Variants in ROCK1 observed in about 807,000 individuals in gnomAD.
ROCK1 encodes rho-associated protein kinase 1.
ROCK1 carries 36 observed loss-of-function variants against 196.8 expected under a neutral mutation model. The ratio of observed to expected loss-of-function variants is 0.18; its 90% CI spans 0.14 to 0.24. The LOEUF is 0.24. ROCK1 is among the 10% of genes least tolerant of loss of function. The probability of loss-of-function intolerance (pLI) is 1.00; values close to 1 mark genes in which losing one functional copy is unlikely to be tolerated. For synonymous variants in ROCK1, 443 were observed against 515.9 expected (o/e 0.86, Z 1.91); for missense variants, 920 against 1,562.0 (o/e 0.59, Z 6.93).
At chr18:21,057,878 T>C (rs2036257150) in intron 2 of ROCK1, among the ~76,000 whole-genome samples, 1 of 152,078 alleles carries the variant, frequency 6.6e-6, no homozygotes, top group Admixed American at 6.5e-5. Flanking sequence ...ACCCAGTAAA[T>C]TTTACTTCTA....
intron 1 of ROCK1, among the ~76,000 whole-genome samples, chr18:21,075,229 G>A (rs1293370592): frequency 6.6e-6 from 1 of 152,176 alleles, no homozygotes; most frequent in East Asian, 1.9e-4. Flanking sequence ...GGAGGATACT[G>A]TGGTAATACA....
chr18:20,981,263 G>A (rs774009394), intron 21 of ROCK1, among the ~76,000 whole-genome samples: 8 of 151,704 alleles, frequency 5.3e-5, no homozygotes, highest in Non-Finnish European at 8.8e-5. Flanking sequence ...GCATGGTGGC[G>A]GGCGCCTGTA....
chr18:20,970,318 T>C, intron 23 of ROCK1, 30 bp downstream of exon 23: 1 of 1,574,702 alleles, frequency 6.4e-7, no homozygotes, highest in Non-Finnish European at 8.7e-7. Flanking sequence ...TAAATAAATT[T>C]TATATAACTT....
intron 22 of ROCK1, among the ~76,000 whole-genome samples, chr18:20,973,215 T>C (rs979199259): frequency 9.9e-5 from 15 of 151,966 alleles, no homozygotes; most frequent in African/African-American, 3.1e-4. Context: ...TCTAAATATG[T>C]TTACATAACA....
In ROCK1 at chr18:20,949,585, T is replaced by C. The variant is rs1568364015; in HGVS notation, c.*1799A>G. The C allele has an allele frequency of 6.6e-6, 1 of 152,202 alleles. No homozygotes were observed. Among genetic ancestry groups the C allele is most frequent in the African/African-American group, 2.4e-5 (1 of 41,448 alleles). 9.4% of individuals were successfully genotyped at this position (152,202 alleles called of 1,614,324 possible). A position where few individuals can be genotyped will look rare whatever the true frequency, so the allele number is the denominator to read the frequency against. Reference sequence around the variant, plus strand: ...TCCAAGGCTGTTTACTACATAAATATCCTTGGAAAAGATAGTCAAAAGAAA... The same window carrying C: ...TCCAAGGCTGTTTACTACATAAATACCCTTGGAAAAGATAGTCAAAAGAAA... On this transcript the variant is annotated 3_prime_UTR_variant, in exon 33 of 33. Coordinates refer to ENST00000399799, the MANE Select transcript of ROCK1 (RefSeq NM_005406.3).
At chr18:21,094,589 A>AT (rs1217239226) in intron 1 of ROCK1, among the ~76,000 whole-genome samples, 1 of 150,364 alleles carries the variant, frequency 6.7e-6, no homozygotes, top group South Asian at 2.1e-4. Flanking sequence ...AAAGAAAAAA[A>AT]AATACAAACA....
At chr18:20,990,223 T>C (rs1407026956) in intron 18 of ROCK1, among the ~76,000 whole-genome samples, 1 of 151,908 alleles carries the variant, frequency 6.6e-6, no homozygotes, top group African/African-American at 2.4e-5. Context: ...ACAGTGGAAG[T>C]ACAAAGAAAT....
intron 8 of ROCK1, among the ~76,000 whole-genome samples, chr18:21,040,316 T>C (rs80154084): frequency 6.6e-6 from 1 of 152,198 alleles, no homozygotes; most frequent in East Asian, 1.9e-4. Flanking sequence ...TTTAAAATTT[T>C]GAACTTCCAA....
At chr18:21,046,071 C>T (rs977225599) in intron 4 of ROCK1, among the ~76,000 whole-genome samples, 16 of 151,950 alleles carry the variant, frequency 1.1e-4, no homozygotes, top group Non-Finnish European at 1.9e-4. Flanking sequence ...CTACCACGCC[C>T]GGCTAATTTT....
At chr18:21,073,770 G>A (rs2036407183) in intron 1 of ROCK1, among the ~76,000 whole-genome samples, 1 of 152,120 alleles carries the variant, frequency 6.6e-6, no homozygotes, top group Non-Finnish European at 1.5e-5. Flanking sequence ...CTGACCACTG[G>A]TACTAAAGAC....
At chr18:20,998,207 T>C (rs1382396622) in intron 16 of ROCK1, among the ~76,000 whole-genome samples, 1 of 152,018 alleles carries the variant, frequency 6.6e-6, no homozygotes, top group African/African-American at 2.4e-5. Context: ...GACCAGCGGA[T>C]TGATGAAGAA....
At chr18:21,019,665 G>T (rs966896192) in intron 12 of ROCK1, among the ~76,000 whole-genome samples, 1 of 151,884 alleles carries the variant, frequency 6.6e-6, no homozygotes, top group Non-Finnish European at 1.5e-5. Flanking sequence ...AGGTGTGGTG[G>T]CGGGCGCCTG....
intron 27 of ROCK1, among the ~76,000 whole-genome samples, chr18:20,964,887 G>A (rs1300136666): frequency 6.6e-6 from 1 of 151,998 alleles, no homozygotes; most frequent in Non-Finnish European, 1.5e-5. Context: ...CACGATGGTG[G>A]GTAAAATTAA....
At chr18:21,033,320 G>C (rs2036026516) in intron 9 of ROCK1, among the ~76,000 whole-genome samples, 1 of 152,262 alleles carries the variant, frequency 6.6e-6, no homozygotes, top group East Asian at 1.9e-4. Flanking sequence ...ACAAGGACTA[G>C]AGAGGAACTT....
intron 2 of ROCK1, among the ~76,000 whole-genome samples, chr18:21,056,758 C>T (rs927887133): frequency 2.6e-5 from 4 of 152,184 alleles, no homozygotes; most frequent in African/African-American, 9.7e-5. Context: ...CATTTCCTTA[C>T]CTCTATGATA....
intron 10 of ROCK1, among the ~76,000 whole-genome samples, chr18:21,026,887 T>C (rs533615808): frequency 2.6e-5 from 4 of 152,168 alleles, no homozygotes; most frequent in Admixed American, 6.5e-5. Flanking sequence ...TGTTATCATA[T>C]AGTTCAATGC....
At chr18:21,065,763 G>T (rs2036329223) in intron 2 of ROCK1, among the ~76,000 whole-genome samples, 1 of 152,028 alleles carries the variant, frequency 6.6e-6, no homozygotes, top group African/African-American at 2.4e-5. Context: ...CATCTTCTTT[G>T]CAGCCTTATT....
At chr18:21,052,360 T>C (rs1598544679) in intron 2 of ROCK1, among the ~76,000 whole-genome samples, 1 of 152,198 alleles carries the variant, frequency 6.6e-6, no homozygotes, top group African/African-American at 2.4e-5. Flanking sequence ...CACTCAGGAC[T>C]ATGTATTCAC....
intron 1 of ROCK1, among the ~76,000 whole-genome samples, chr18:21,072,611 G>A (rs1356465979): frequency 6.6e-6 from 1 of 152,032 alleles, no homozygotes; most frequent in Non-Finnish European, 1.5e-5. Flanking sequence ...ACCAGGACTC[G>A]GAATGTTAAC....
Sources: gnomAD v4.1 joint callset for allele counts (sites outside exome capture counted in the v4.1 genomes callset) on GRCh38, gnomAD v4.1.1 for gene constraint, MANE v1.5 for transcripts, NCBI Gene and HGNC (gene_info 2026-07-23, HGNC 2026-07-21) for gene names.